Variants in LIMK1 observed in about 807,000 individuals in gnomAD.
The protein encoded by LIMK1 is LIM domain kinase 1.
A neutral mutation model predicts 77.6 loss-of-function variants in LIMK1; 21 were observed. The observed-to-expected ratio is 0.27, with a 90% CI of 0.19 to 0.39. The LOEUF (loss-of-function observed/expected upper bound fraction) is 0.39. LIMK1 is among the 10% of genes least tolerant of loss of function. The pLI, the probability that LIMK1 is intolerant of heterozygous loss-of-function variation, is 1.00. For missense variants in LIMK1, 696 were observed against 901.6 expected (o/e 0.77, Z 2.92); for synonymous variants, 358 against 370.0 (o/e 0.97, Z 0.37).
chr7:74,093,322 A>C (rs1490811105), intron 2 of LIMK1: 1 of 1,535,648 alleles, frequency 6.5e-7, no homozygotes, highest in Non-Finnish European at 8.7e-7. Flanking sequence ...CCCCCTCCCT[A>C]CTTGTCCTGG....
chr7:74,094,273 C>A (rs553901229), intron 2 of LIMK1: 1 of 152,362 alleles, frequency 6.6e-6, no homozygotes, highest in African/African-American at 2.4e-5. Flanking sequence ...CTCAAACCCT[C>A]GGGTGAGTCA....
In LIMK1 at chr7:74,107,168, A is replaced by G. The variant is rs544952098; in HGVS notation, c.1040A>G (p.Lys347Arg). The G allele has an allele frequency of 4.3e-5, 70 of 1,612,134 alleles. No individual in the cohort carries two copies. The South Asian group carries it at 7.3e-4, about 17-fold the overall frequency. Residue 347 changes from lysine to arginine, a missense_variant, in exon 8 of 16, where the codon AAG (lysine) becomes AGG (arginine). Lys to Arg is a conservative substitution (Grantham distance 26). This residue lies in a region of LIMK1 where 438 missense variants were observed against 602.3 expected (regional missense o/e 0.73). Coordinates refer to ENST00000336180, the MANE Select transcript of LIMK1 (RefSeq NM_002314.4). ...CTCATCCACGGGGAGGTGCTGGGCA[A>G]GGGCTGCTTCGGCCAGGCTATCAAG... is the stretch of plus-strand genomic sequence containing the variant. ...SDLIHGEVLG[K>R]GCFGQAIKVT...
chr7:74,112,076 AGAACTGGAGGC>A (rs1799711104), intron 12 of LIMK1, 78 bp downstream of exon 12: 1 of 1,151,454 alleles, frequency 8.7e-7, no homozygotes, highest in Admixed American at 2.2e-5. Flanking sequence ...GGGCCTTCCC[AGAACTGGAGGC>A]CCCTCCATGT....
intron 9 of LIMK1, 25 bp from the exon 10 acceptor site, chr7:74,108,880 G>T (rs1014668648): frequency 1.2e-6 from 2 of 1,610,142 alleles, no homozygotes; most frequent in Non-Finnish European, 1.7e-6. Context: ...CAGAGCCCGG[G>T]CCCAGCCTGT....
intron 14 of LIMK1, 25 bp from the exon 15 acceptor site, chr7:74,120,867 A>T: frequency 6.2e-7 from 1 of 1,613,714 alleles, no homozygotes; most frequent in Non-Finnish European, 8.5e-7. Context: ...CCCCTGGAGT[A>T]ACTGCCGGGC....
intron 8 of LIMK1, among the ~76,000 whole-genome samples, chr7:74,107,648 C>G (rs1326644128): frequency 1.3e-5 from 2 of 149,822 alleles, no homozygotes; most frequent in African/African-American, 4.9e-5. Context: ...CCACAGCACT[C>G]CAGCCTGGGC....
intron 12 of LIMK1, 89 bp from the exon 13 acceptor site, chr7:74,115,713 T>C (rs983500329): frequency 2.1e-6 from 3 of 1,440,108 alleles, no homozygotes; most frequent in African/African-American, 2.8e-5. Flanking sequence ...CTGGGCTGTC[T>C]ACAGGTTGGC....
At chr7:74,094,156 C>T (rs940584373) in intron 2 of LIMK1, 2 of 152,544 alleles carry the variant, frequency 1.3e-5, no homozygotes, top group Non-Finnish European at 2.9e-5. Flanking sequence ...GATGCCCAGC[C>T]TGGGGCCGCG....
intron 5 of LIMK1, among the ~76,000 whole-genome samples, chr7:74,104,817 A>G (rs1399525392): frequency 6.6e-6 from 1 of 152,156 alleles, no homozygotes; most frequent in East Asian, 1.9e-4. Context: ...TGCAGGAGCA[A>G]TAGAGCTTGG....
chr7:74,115,434 A>G (rs1554699273), intron 12 of LIMK1: 1 of 202,618 alleles, frequency 4.9e-6, no homozygotes, highest in African/African-American at 2.3e-5. Context: ...AAAAAAAAAC[A>G]AAAGAATTCC....
chr7:74,108,138 G>T (rs1799618952), intron 9 of LIMK1, among the ~76,000 whole-genome samples, 181 bp downstream of exon 9: 1 of 151,764 alleles, frequency 6.6e-6, no homozygotes, highest in South Asian at 2.1e-4. Context: ...GATACTTTGA[G>T]ACCAACCTGG....
At chr7:74,101,142 C>T (rs1368246717) in intron 5 of LIMK1, among the ~76,000 whole-genome samples, 1 of 152,296 alleles carries the variant, frequency 6.6e-6, no homozygotes, top group East Asian at 1.9e-4. Flanking sequence ...GCCCTGGGGA[C>T]AGAAAATTAT....
At chr7:74,112,563 C>T (rs939364123) in intron 12 of LIMK1, among the ~76,000 whole-genome samples, 5 of 152,134 alleles carry the variant, frequency 3.3e-5, no homozygotes, top group African/African-American at 1.2e-4. Context: ...ACCTACAATC[C>T]CAACACTTTG....
chr7:74,117,436 G>A (rs563814975), intron 13 of LIMK1, among the ~76,000 whole-genome samples: 9 of 152,198 alleles, frequency 5.9e-5, no homozygotes, highest in African/African-American at 1.7e-4. Context: ...AAGGTGGGAC[G>A]TATACAAGTC....
chr7:74,121,081 G>A (rs377591980), intron 15 of LIMK1, 32 bp downstream of exon 15: 77 of 1,595,726 alleles, frequency 4.8e-5, no homozygotes, highest in Admixed American at 1.5e-4. Flanking sequence ...CCTGGGAGAC[G>A]GTGGGGCCGA....
intron 2 of LIMK1, among the ~76,000 whole-genome samples, chr7:74,094,802 A>ACGTGG (rs1342809898): frequency 4.6e-5 from 7 of 150,920 alleles, no homozygotes; most frequent in African/African-American, 1.7e-4. Flanking sequence ...AGTGACCCTG[A>ACGTGG]CGTGGCGTCT....
intron 13 of LIMK1, among the ~76,000 whole-genome samples, chr7:74,116,742 C>T (rs1799821510): frequency 6.7e-6 from 1 of 150,258 alleles, no homozygotes. Flanking sequence ...CGCTCTGTTA[C>T]TCAGGCTGGA....
Position 74,121,622 on chromosome 7 carries a change from C to A in LIMK1, c.*321C>A. ...ACGCCCCTTTCCACACGCCGCTGCCCCAGCAACCCTGTTCACGCTCCACCT... is the reference window on the plus strand; with the variant it reads ...ACGCCCCTTTCCACACGCCGCTGCCACAGCAACCCTGTTCACGCTCCACCT... On this transcript the variant is annotated 3_prime_UTR_variant, in exon 16 of 16. Transcript: ENST00000336180. The A allele has an allele frequency of 3.0e-6, 1 of 330,630 alleles. No homozygotes were observed. Among genetic ancestry groups the A allele is most frequent in the Admixed American group, 4.5e-5 (1 of 22,072 alleles). 20.5% of individuals were successfully genotyped at this position (330,630 alleles called of 1,614,324 possible). A position where few individuals can be genotyped will look rare whatever the true frequency, so the allele number is the denominator to read the frequency against.
In LIMK1 at chr7:74,109,015, C is replaced by G. The variant is rs782031722; in HGVS notation, c.1263C>G (p.Leu421=). The change falls in exon 10 of 16, where the codon CTC becomes CTG. Residue 421 remains leucine, a synonymous_variant. Coordinates refer to ENST00000336180, the MANE Select transcript of LIMK1 (RefSeq NM_002314.4). Reference sequence around the variant, plus strand: ...CTGAGTACATCAAGGGCGGCACGCTCCGGGGCATCATCAAGAGCATGGTGA... The same window carrying G: ...CTGAGTACATCAAGGGCGGCACGCTGCGGGGCATCATCAAGAGCATGGTGA... The part of the protein sequence containing the change: ...FITEYIKGGT[L]RGIIKSMDSQ... The G allele has an allele frequency of 3.7e-6, 6 of 1,613,828 alleles. No individual in the cohort carries two copies. The Admixed American group carries it at 1.0e-4, about 27-fold the overall frequency.
Sources: allele counts gnomAD v4.1 joint callset (sites outside exome capture counted in the v4.1 genomes callset), GRCh38; gene constraint gnomAD v4.1.1; regional missense constraint gnomAD v4.1.1; transcripts MANE v1.5; gene names NCBI Gene and HGNC (gene_info 2026-07-23, HGNC 2026-07-21).